Variants in EPG5 observed in about 807,000 individuals in gnomAD.
The protein encoded by EPG5 is ectopic P-granules 5 autophagy tethering factor.
A neutral mutation model predicts 302.7 loss-of-function variants in EPG5; 159 were observed. The ratio of observed to expected loss-of-function variants is 0.53; its 90% CI spans 0.46 to 0.60. The LOEUF is 0.60. Ranked by LOEUF, EPG5 falls within the 20% of genes least tolerant of loss-of-function variation. EPG5 has a pLI of 0.00. For missense variants in EPG5, 2,896 were observed against 3,092.4 expected, an observed-to-expected ratio of 0.94 and a Z score of 1.51; for synonymous variants, 1,158 against 1,136.8, an observed-to-expected ratio of 1.02 and a Z score of -0.37.
intron 27 of EPG5, among the ~76,000 whole-genome samples, chr18:45,898,496 T>C (rs894411924): frequency 6.6e-6 from 1 of 152,212 alleles, no homozygotes; most frequent in East Asian, 1.9e-4. Flanking sequence ...ATATTGCAGA[T>C]CCAAATTCTG....
chr18:45,865,703 G>A lies in EPG5; in HGVS notation c.6678C>T (p.Thr2226=), dbSNP rs752192220. 1.9e-6 allele frequency: 3 copies of A among 1,613,412 alleles called. No individual in the cohort carries two copies. Among genetic ancestry groups the A allele is most frequent in the Admixed American group, 3.3e-5 (2 of 59,940 alleles). Residue 2226 remains threonine, a synonymous_variant, in exon 39 of 44, where the codon ACC becomes ACT. Coordinates refer to ENST00000282041, the MANE Select transcript of EPG5 (RefSeq NM_020964.3). ...FTHQMVQFLS[T]LEQNGKITLA... is the part of the protein sequence containing the mutation. ...AGGTGATTTTTCCATTTTGTTCCAG[G>A]GTGCTGAGGAATTGAACCATCTGAT...
chr18:45,877,426 A>AT (rs909717195), intron 34 of EPG5, among the ~76,000 whole-genome samples: 1 of 151,754 alleles, frequency 6.6e-6, no homozygotes, highest in South Asian at 2.1e-4. Flanking sequence ...CTTAAAAAAA[A>AT]TTTTTTTTTA....
the EPG5 span, among the ~76,000 whole-genome samples, chr18:45,830,240 T>C: frequency 1.3e-5 from 2 of 152,270 alleles, no homozygotes; most frequent in Admixed American, 6.5e-5. Context: ...TTTCTGACCC[T>C]ATCCAATTGC....
intron 27 of EPG5, among the ~76,000 whole-genome samples, chr18:45,895,202 C>T (rs2049443866): frequency 6.6e-6 from 1 of 151,848 alleles, no homozygotes. Context: ...GCTTGGGAGA[C>T]CAGCTATGTG....
chr18:45,919,978 T>C (rs1452197092), intron 16 of EPG5, among the ~76,000 whole-genome samples: 1 of 152,204 alleles, frequency 6.6e-6, no homozygotes, highest in East Asian at 1.9e-4. Flanking sequence ...GTCTCCTCTT[T>C]TCTAAATCAA....
chr18:45,874,350 A>T lies in EPG5; in HGVS notation c.6049+1886T>A, dbSNP rs187894277. Among the ~76,000 whole-genome samples, 320 of 152,320 alleles carry T rather than the reference A, an allele frequency of 2.1e-3. 3 individuals carry two copies. The highest frequency in any genetic ancestry group is 0.02 in the East Asian group (103 of 5,188). On this transcript the variant is annotated intron_variant, in intron 35 of 43. Transcript: ENST00000282041. The stretch of plus-strand genomic sequence containing the variant: ...AAAAATAAAGTCCGTTAAACAAAAA[A>T]TAAAATCTATTACAAAAAAAAAACA...
chr18:45,912,268 C>T, intron 22 of EPG5, 22 bp downstream of exon 22: 2 of 1,539,612 alleles, frequency 1.3e-6, no homozygotes, highest in Non-Finnish European at 1.7e-6. Context: ...CTCACAGAAA[C>T]CTACAATACT....
At chr18:45,843,139 G>A (rs1204913106), downstream of EPG5, 4 of 152,270 alleles carry the variant, frequency 2.6e-5, no homozygotes, top group African/African-American at 9.6e-5. Flanking sequence ...AGACCTGAGG[G>A]GAGGTCTGGC....
At chr18:45,953,382 G>A (rs1405857023) in intron 2 of EPG5, 4 of 985,080 alleles carry the variant, frequency 4.1e-6, no homozygotes, top group Non-Finnish European at 4.8e-6. Context: ...CACCAGCTGT[G>A]TTCTTGATTC....
At chr18:45,874,543 T>G (rs559397979) in intron 35 of EPG5, among the ~76,000 whole-genome samples, 1 of 152,144 alleles carries the variant, frequency 6.6e-6, no homozygotes, top group Non-Finnish European at 1.5e-5. Context: ...AGGCATGTCT[T>G]ACATGGCAGC....
the EPG5 span, chr18:45,837,171 C>A: frequency 6.4e-7 from 1 of 1,573,984 alleles, no homozygotes; most frequent in Non-Finnish European, 8.6e-7. Context: ...TTCCACAGGG[C>A]AGGTTTTGAT....
At chr18:45,882,092 G>C (rs2049110471) in intron 31 of EPG5, among the ~76,000 whole-genome samples, 182 bp downstream of exon 31, 1 of 152,076 alleles carries the variant, frequency 6.6e-6, no homozygotes. Context: ...ACAATAACTG[G>C]CCATATTTAC....
rs2049179931 is a variant in EPG5, at chr18:45,884,649, T to C, written c.5272A>G (p.Asn1758Asp). 6.2e-7 allele frequency: 1 copy of C among 1,608,948 alleles called. No individual in the cohort carries two copies. The highest frequency in any genetic ancestry group is 8.5e-7 in the Non-Finnish European group (1 of 1,178,492). Residue 1758 changes from asparagine to aspartate, a missense_variant, in exon 30 of 44, where the codon AAC becomes GAC. By Grantham distance (23) the Asn-to-Asp change is conservative. Transcript: ENST00000282041. The stretch of plus-strand genomic sequence containing the variant: ...AGCAGCATGAAAATCATATCACTGT[T>C]GTCCTCACTTAGAAACTTCACCACT... Reference protein sequence around the residue: ...EQVVKFLSEDNSDMIFMLLTK... With the variant: ...EQVVKFLSEDDSDMIFMLLTK...
At chr18:45,801,183 C>T in the EPG5 span, among the ~76,000 whole-genome samples, 12 of 152,166 alleles carry the variant, frequency 7.9e-5, no homozygotes, top group South Asian at 2.1e-4. Context: ...ATTACAGGTG[C>T]GTGCTACCAC....
At chr18:45,934,188 C>T (rs935550954) in intron 11 of EPG5, among the ~76,000 whole-genome samples, 1 of 152,034 alleles carries the variant, frequency 6.6e-6, no homozygotes, top group African/African-American at 2.4e-5. Flanking sequence ...ACTCAGGAGG[C>T]TGAGGCACTA....
In EPG5 at chr18:45,916,063, AG is replaced by A. The variant is rs1387579327; in HGVS notation, c.3527del (p.Ala1176ValfsTer4). ...LFLMDHLCKA[A>X]FQLMQEDCIQ... ...TGCAGTCTTCCTGCATCAGCTGAAA[AG>A]CTGCTTTACACAAGTGGTCCATGAG... On this transcript the variant is annotated frameshift_variant, in exon 19 of 44. Coordinates refer to ENST00000282041, the MANE Select transcript of EPG5 (RefSeq NM_020964.3). LOFTEE classifies it high-confidence loss of function. 1 of 1,613,880 alleles carries A rather than the reference AG, an allele frequency of 6.2e-7. No homozygotes were observed.
At chr18:45,837,667 C>T in the EPG5 span, 5 of 1,495,168 alleles carry the variant, frequency 3.3e-6, no homozygotes, top group South Asian at 6.3e-5. Context: ...CCTATGCGGG[C>T]CCGCAGGTGT....
Position 45,852,223 on chromosome 18 carries a change from T to C in EPG5, c.*244A>G. 1 of 354,284 alleles carries C rather than the reference T, an allele frequency of 2.8e-6. No individual in the cohort carries two copies. Among genetic ancestry groups the C allele is most frequent in the East Asian group, 4.7e-5 (1 of 21,354 alleles). 21.9% of individuals were successfully genotyped at this position (354,284 alleles called of 1,614,324 possible). A position where few individuals can be genotyped will look rare whatever the true frequency, so the allele number is the denominator to read the frequency against. ...ACCCAAGTGGAACTTAGTAAGTTTC[T>C]CTTGTGGATAAATATAAAAACTTAA... On this transcript the variant is annotated 3_prime_UTR_variant, in exon 44 of 44. Coordinates refer to ENST00000282041, the MANE Select transcript of EPG5 (RefSeq NM_020964.3).
Position 45,917,249 on chromosome 18 carries a change from A to G in EPG5, c.3239+430T>C, listed in dbSNP as rs575700996. On this transcript the variant is annotated intron_variant, in intron 17 of 43. Transcript: ENST00000282041. ...ATGCTTTACTCTTGCCTCCCTAGAC[A>G]GGTTGTTCTCTTCCCACCTTCCTAG... Among the ~76,000 whole-genome samples the G allele has an allele frequency of 3.1e-3, 475 of 152,246 alleles. 1 individual carries two copies. The highest frequency in any genetic ancestry group is 5.4e-3 in the Non-Finnish European group (365 of 68,018).
Sources: gnomAD v4.1 joint callset for allele counts (sites outside exome capture counted in the v4.1 genomes callset) on GRCh38, gnomAD v4.1.1 for gene constraint, MANE v1.5 for transcripts, NCBI Gene and HGNC (gene_info 2026-07-23, HGNC 2026-07-21) for gene names.